GLS: variants seen among roughly 807,000 people sequenced by gnomAD.
The protein encoded by GLS is glutaminase, also known as glutaminase kidney isoform, mitochondrial.
GLS carries 36 observed loss-of-function variants against 86.7 expected under a neutral mutation model. The observed-to-expected ratio is 0.42, with a 90% CI of 0.32 to 0.55. The LOEUF (loss-of-function observed/expected upper bound fraction) is 0.55, where lower values mean the gene tolerates loss of function less well. Ranked by LOEUF, GLS falls within the 20% of genes least tolerant of loss-of-function variation. GLS has a pLI of 0.17. For missense variants in GLS, 528 were observed against 833.4 expected, an observed-to-expected ratio of 0.63 and a Z score of 4.51; for synonymous variants, 317 against 305.9, an observed-to-expected ratio of 1.04 and a Z score of -0.38.
intron 14 of GLS, among the ~76,000 whole-genome samples, chr2:190,932,140 C>G (rs745904269): frequency 3.8e-4 from 58 of 152,072 alleles, no homozygotes; most frequent in Admixed American, 8.5e-4. Flanking sequence ...TTATAAGTCA[C>G]TGTAGATGAA....
chr2:190,887,390 C>T (rs1328208894), intron 1 of GLS, among the ~76,000 whole-genome samples: 1 of 151,858 alleles, frequency 6.6e-6, no homozygotes, highest in Non-Finnish European at 1.5e-5. Context: ...TTGGGAGTGT[C>T]CTCTGCTTGA....
chr2:190,953,516 T>C lies in GLS; in HGVS notation c.1651-49T>C. 2 of 1,187,480 alleles carry C rather than the reference T, an allele frequency of 1.7e-6. No homozygotes were observed. Among genetic ancestry groups the C allele is most frequent in the South Asian group, 2.4e-5 (2 of 82,388 alleles). 73.6% of individuals were successfully genotyped at this position (1,187,480 alleles called of 1,614,324 possible). On this transcript the variant is annotated intron_variant, in intron 14 of 17. Transcript: ENST00000320717. The surrounding 1 kb of genome is among the most constrained non-coding windows in gnomAD (Gnocchi z 4.0). ...ACTTGCCAGTGACAGGTGGACGTTG[T>C]ATGTGTTTTCTCTCTCCTAAGGATG...
At position 190,954,199 on chromosome 2, in the gene GLS, C is replaced by A. The variant is rs1690799681; in HGVS notation, c.1713-385C>A. Among the ~76,000 whole-genome samples the A allele has an allele frequency of 6.6e-6, 1 of 151,924 alleles. No homozygotes were observed. Among genetic ancestry groups the A allele is most frequent in the East Asian group, 1.9e-4 (1 of 5,184 alleles). On this transcript the variant is annotated intron_variant, in intron 15 of 17. Coordinates refer to ENST00000320717, the MANE Select transcript of GLS (RefSeq NM_014905.5). This position sits in a 1 kb window ranked among gnomAD's most constrained non-coding sequence, Gnocchi z 4.0. ...TTGAAGTCTGACAAGTACTAGTAGA[C>A]TGTGAAATGTTTAAGAATGGGAGTC...
At position 190,947,131 on chromosome 2, in the gene GLS, A is replaced by G. The variant is rs536029407; in HGVS notation, c.1651-6434A>G. 6.6e-6 allele frequency among the ~76,000 whole-genome samples: 1 copy of G among 152,352 alleles called. No homozygotes were observed. Among genetic ancestry groups the G allele is most frequent in the East Asian group, 1.9e-4 (1 of 5,192 alleles). On this transcript the variant is annotated intron_variant, in intron 14 of 17. Coordinates refer to ENST00000320717, the MANE Select transcript of GLS (RefSeq NM_014905.5). The surrounding 1 kb of genome is among the most constrained non-coding windows in gnomAD (Gnocchi z 5.0). ...TAATAATTGCTACTTACTCATAAGT[A>G]CAGAATTATTAGGGCATTTACAGAA... is the stretch of plus-strand genomic sequence containing the variant.
intron 5 of GLS, among the ~76,000 whole-genome samples, chr2:190,903,147 A>G (rs183581363): frequency 4.9e-4 from 75 of 152,322 alleles, no homozygotes; most frequent in African/African-American, 1.6e-3. Flanking sequence ...GATTATAGGC[A>G]TGAGCCCCTG....
At position 190,929,970 on chromosome 2, in the gene GLS, C is replaced by A. The variant is rs189069845; in HGVS notation, c.1426-467C>A. Among the ~76,000 whole-genome samples, 882 of 152,068 alleles carry A rather than the reference C, an allele frequency of 5.8e-3. 15 individuals carry two copies. Among genetic ancestry groups the A allele is most frequent in the African/African-American group, 0.019 (779 of 41,494 alleles). ...TCACCTTTCTCCTGCCTCAGCCTCC[C>A]GAGTAGTTGGGACTACAGGCGTGCA... On this transcript the variant is annotated intron_variant, in intron 12 of 17. Coordinates refer to ENST00000320717, the MANE Select transcript of GLS (RefSeq NM_014905.5).
chr2:190,886,648 G>A (rs548997096), intron 1 of GLS, among the ~76,000 whole-genome samples: 1 of 152,322 alleles, frequency 6.6e-6, no homozygotes, highest in South Asian at 2.1e-4. Context: ...GGGCGTGGTG[G>A]CTCATGCCCG....
chr2:190,928,122 T>TTTTC (rs1689960201), intron 12 of GLS, among the ~76,000 whole-genome samples: 4 of 152,104 alleles, frequency 2.6e-5, no homozygotes, highest in Admixed American at 1.3e-4. Flanking sequence ...GTTTCATCTG[T>TTTTC]ATGTGCATCT....
chr2:190,940,837 G>T, intron 14 of GLS, among the ~76,000 whole-genome samples: 1 of 150,720 alleles, frequency 6.6e-6, no homozygotes, highest in Non-Finnish European at 1.5e-5. Flanking sequence ...TCCAAGATTA[G>T]ATCCCTCTAT....
chr2:190,934,493 T>C (rs1452830314), intron 14 of GLS: 4 of 981,782 alleles, frequency 4.1e-6, no homozygotes, highest in South Asian at 9.4e-5. Context: ...ATATCCTAAC[T>C]GGATGCTTCT....
chr2:190,906,739 CTCGT>C (rs1385721263), intron 6 of GLS, among the ~76,000 whole-genome samples: 2 of 152,068 alleles, frequency 1.3e-5, no homozygotes, highest in Non-Finnish European at 2.9e-5. Context: ...ATTTGAAGAT[CTCGT>C]TCATATTTAA....
chr2:190,950,849 A>G (rs1388382232), intron 14 of GLS, among the ~76,000 whole-genome samples: 7 of 152,236 alleles, frequency 4.6e-5, no homozygotes, highest in Non-Finnish European at 7.3e-5. Context: ...TGTGAGTGGC[A>G]GAAGACAGGG....
At position 190,895,566 on chromosome 2, in the gene GLS, C is replaced by T; in HGVS notation, c.484-38C>T. On this transcript the variant is annotated intron_variant, in intron 2 of 17. Transcript: ENST00000320717. This position sits in a 1 kb window ranked among gnomAD's most constrained non-coding sequence, Gnocchi z 4.2. Reference sequence around the variant, plus strand: ...TTGGTATAAGCATATACATTATTTGCACTATATATTTACAAACTCTTATTT... The same window carrying T: ...TTGGTATAAGCATATACATTATTTGTACTATATATTTACAAACTCTTATTT... 2 of 1,452,878 alleles carry T rather than the reference C, an allele frequency of 1.4e-6. No individual in the cohort carries two copies. Among genetic ancestry groups the T allele is most frequent in the Non-Finnish European group, 1.9e-6 (2 of 1,047,172 alleles). The allele number at this position is 1,452,878 out of a possible 1,614,324, so 90.0% of individuals were successfully genotyped here. A position where few individuals can be genotyped will look rare whatever the true frequency, so the allele number is the denominator to read the frequency against.
At chr2:190,928,183 T>G in intron 12 of GLS, among the ~76,000 whole-genome samples, 1 of 152,034 alleles carries the variant, frequency 6.6e-6, no homozygotes, top group Non-Finnish European at 1.5e-5. Context: ...ATAAGGATCC[T>G]TAACAAAACA....
intron 14 of GLS, among the ~76,000 whole-genome samples, chr2:190,936,189 A>G (rs1435190178): frequency 6.6e-6 from 1 of 151,018 alleles, no homozygotes; most frequent in Non-Finnish European, 1.5e-5. Context: ...TATTTGAAGT[A>G]AAGAGAGAGG....
Position 190,881,406 on chromosome 2 carries a change from G to C in GLS, c.322G>C (p.Gly108Arg). The change falls in exon 1 of 18, where the codon GGC becomes CGC. Residue 108 changes from glycine (G) to arginine (R), a missense_variant. Gly to Arg is a moderately radical substitution (Grantham distance 125, BLOSUM62 -2). This residue lies in a region of GLS where 224 missense variants were observed against 187.9 expected (regional missense o/e 1.19). Transcript: ENST00000320717. The stretch of plus-strand genomic sequence containing the variant: ...CCCGGCGGCGCCCGGCCCCAAGGAC[G>C]GCCCCGGGGAGACGGACGCGTTTGG... ...AAPAAPGPKDGPGETDAFGNS... is the reference protein window; with the variant it reads ...AAPAAPGPKDRPGETDAFGNS... 1 of 1,542,962 alleles carries C rather than the reference G, an allele frequency of 6.5e-7. No homozygotes were observed. The highest frequency in any genetic ancestry group is 8.7e-7 in the Non-Finnish European group (1 of 1,144,114).
chr2:190,923,112 A>G (rs979388287), intron 9 of GLS, among the ~76,000 whole-genome samples: 2 of 152,100 alleles, frequency 1.3e-5, no homozygotes, highest in African/African-American at 4.8e-5. Context: ...TGTAGCTCTC[A>G]TTACAGTATT....
intron 1 of GLS, among the ~76,000 whole-genome samples, chr2:190,886,388 C>T (rs1052273086): frequency 2.0e-5 from 3 of 152,028 alleles, no homozygotes; most frequent in Non-Finnish European, 4.4e-5. Flanking sequence ...GTTTAGTCTC[C>T]TGGACTTTTA....
At chr2:190,901,585 T>A (rs943207532) in intron 4 of GLS, among the ~76,000 whole-genome samples, 1 of 151,912 alleles carries the variant, frequency 6.6e-6, no homozygotes, top group Non-Finnish European at 1.5e-5. Context: ...AATGTTTTAG[T>A]GAAACCCTAC....
Sources: gnomAD v4.1 joint callset for allele counts (sites outside exome capture counted in the v4.1 genomes callset) on GRCh38, gnomAD v4.1.1 for gene constraint, gnomAD v4.1.1 regional missense constraint, Gnocchi (gnomAD v3.1) non-coding constraint, MANE v1.5 for transcripts, NCBI Gene and HGNC (gene_info 2026-07-23, HGNC 2026-07-21) for gene names.